Variants in CAB39L observed in about 807,000 individuals in gnomAD.
CAB39L encodes calcium binding protein 39 like, also known as calcium-binding protein 39-like.
Under a neutral mutation model 39.1 loss-of-function variants are expected in CAB39L, and 23 were observed. That is an observed-to-expected ratio of 0.59 (90% CI 0.42 to 0.83). The LOEUF (loss-of-function observed/expected upper bound fraction) is 0.83. CAB39L is among the 40% of genes least tolerant of loss of function. The pLI is 0.00. For missense variants in CAB39L, 366 were observed against 391.9 expected (o/e 0.93, Z 0.56); for synonymous variants, 126 against 137.2 (o/e 0.92, Z 0.57).
chr13:49,397,300 T>C (rs905521623), intron 3 of CAB39L, among the ~76,000 whole-genome samples: 2 of 152,122 alleles, frequency 1.3e-5, no homozygotes, highest in Non-Finnish European at 2.9e-5. Flanking sequence ...TAAGAATAAC[T>C]TGTTTTTATA....
chr13:49,330,220 C>A (rs1360512407), intron 10 of CAB39L, among the ~76,000 whole-genome samples: 1 of 152,202 alleles, frequency 6.6e-6, no homozygotes, highest in Admixed American at 6.5e-5. Flanking sequence ...CCTTGCCTTG[C>A]CCCTAAAATT....
chr13:49,360,666 T>A (rs752422867), intron 5 of CAB39L, among the ~76,000 whole-genome samples: 1 of 152,190 alleles, frequency 6.6e-6, no homozygotes, highest in African/African-American at 2.4e-5. Context: ...GTAATCCCTA[T>A]AATCCCTATG....
intron 1 of CAB39L, among the ~76,000 whole-genome samples, chr13:49,435,761 A>C (rs1337811326): frequency 6.6e-6 from 1 of 152,176 alleles, no homozygotes; most frequent in Non-Finnish European, 1.5e-5. Context: ...TTGGCCTCCC[A>C]AAGTGCTAGG....
At chr13:49,398,716 C>T (rs975951197) in intron 3 of CAB39L, among the ~76,000 whole-genome samples, 24 of 152,038 alleles carry the variant, frequency 1.6e-4, no homozygotes, top group African/African-American at 5.6e-4. Context: ...ATTTCATATA[C>T]TGGCAATTCA....
chr13:49,375,401 A>G (rs1279761409), intron 5 of CAB39L, among the ~76,000 whole-genome samples: 4 of 152,230 alleles, frequency 2.6e-5, no homozygotes, highest in Non-Finnish European at 4.4e-5. Context: ...AAAGAAACAG[A>G]AAAGTATATA....
Position 49,382,788 on chromosome 13 carries a change from T to G in CAB39L, c.111+12A>C, listed in dbSNP as rs754333951. 1 of 1,520,188 alleles carries G rather than the reference T, an allele frequency of 6.6e-7. No individual in the cohort carries two copies. Among genetic ancestry groups the G allele is most frequent in the Non-Finnish European group, 9.1e-7 (1 of 1,097,136 alleles). 94.2% of individuals were successfully genotyped at this position (1,520,188 alleles called of 1,614,324 possible). A position where few individuals can be genotyped will look rare whatever the true frequency, so the allele number is the denominator to read the frequency against. On this transcript the variant is annotated intron_variant, in intron 4 of 10. Transcript: ENST00000409308. ...TGTACTTTAATCATAATGTTACTGT[T>G]TTAGCTCTTACCTTGTCTGTCTTTT...
At chr13:49,351,228 C>A in intron 6 of CAB39L, 1 of 204,950 alleles carries the variant, frequency 4.9e-6, no homozygotes, top group Non-Finnish European at 9.6e-6. Flanking sequence ...AAACTGTTGA[C>A]AATAAAATAC....
intron 5 of CAB39L, among the ~76,000 whole-genome samples, chr13:49,363,192 C>T (rs1955679453): frequency 6.6e-6 from 1 of 152,142 alleles, no homozygotes; most frequent in Admixed American, 6.5e-5. Flanking sequence ...CATAGAAAAA[C>T]ACAGAATAGT....
intron 3 of CAB39L, among the ~76,000 whole-genome samples, chr13:49,423,395 G>C (rs1478797832): frequency 2.0e-5 from 3 of 152,134 alleles, no homozygotes. Context: ...GAAGCAAGCA[G>C]AACAGCTGTA....
intron 3 of CAB39L, among the ~76,000 whole-genome samples, chr13:49,395,237 C>CT (rs543831076): frequency 1.8e-3 from 241 of 134,952 alleles, no homozygotes; most frequent in East Asian, 3.9e-3. Flanking sequence ...TCTTTTCTTT[C>CT]TTTTTTTTTT....
chr13:49,311,329 G>A (rs1041144798), intron 10 of CAB39L, among the ~76,000 whole-genome samples: 4 of 152,100 alleles, frequency 2.6e-5, no homozygotes, highest in South Asian at 2.1e-4. Flanking sequence ...CCTACTGCCC[G>A]GCCAGCTGCA....
intron 3 of CAB39L, among the ~76,000 whole-genome samples, chr13:49,430,503 A>C (rs530535896): frequency 6.6e-6 from 1 of 152,312 alleles, no homozygotes; most frequent in East Asian, 1.9e-4. Context: ...TAGGGCAGGG[A>C]AAAAAGTTAC....
At chr13:49,349,778 AAAAGTTTGCC>A (rs1350484534) in intron 7 of CAB39L, among the ~76,000 whole-genome samples, 3 of 152,168 alleles carry the variant, frequency 2.0e-5, no homozygotes, top group Non-Finnish European at 4.4e-5. Context: ...CTTGAATGAT[AAAAGTTTGCC>A]ATTATTGAAA....
chr13:49,347,817 C>T (rs1955226691), intron 7 of CAB39L, among the ~76,000 whole-genome samples: 1 of 152,124 alleles, frequency 6.6e-6, no homozygotes, highest in South Asian at 2.1e-4. Flanking sequence ...CCGCCCCTCC[C>T]TTCACCCAGC....
chr13:49,438,321 C>T (rs1220349240), intron 1 of CAB39L, among the ~76,000 whole-genome samples: 7 of 152,136 alleles, frequency 4.6e-5, no homozygotes, highest in Admixed American at 4.6e-4. Flanking sequence ...CAATGTCAGA[C>T]CATGTAATAT....
Position 49,412,365 on chromosome 13 carries a change from TA to T in CAB39L, c.-32+20952del, listed in dbSNP as rs3035439. Among the ~76,000 whole-genome samples the T allele has an allele frequency of 5.3e-3, 801 of 150,366 alleles. 5 individuals carry two copies. The highest frequency in any genetic ancestry group is 0.016 in the East Asian group (81 of 5,104). ...ATAAATAAAATTTACCTTTGCCATT[TA>T]AAAAAAAAAAAATGGCAAAAACCAC... On this transcript the variant is annotated intron_variant, in intron 3 of 10. Coordinates refer to ENST00000409308, the MANE Select transcript of CAB39L (RefSeq NM_001079670.3).
rs914288839 is a variant in CAB39L at position 49,431,601 on chromosome 13, T to C, written c.-32+1717A>G. Among the ~76,000 whole-genome samples the C allele has an allele frequency of 2.0e-4, 31 of 151,734 alleles. 1 individual carries two copies. Among genetic ancestry groups the C allele is most frequent in the Admixed American group, 1.8e-3 (27 of 15,226 alleles). On this transcript the variant is annotated intron_variant, in intron 3 of 10. Transcript: ENST00000409308. ...ACACTCCTGTAATCCCAGCTACTTA[T>C]GAGGCTGTGGCAGGAGAATTGCTTG...
intron 3 of CAB39L, among the ~76,000 whole-genome samples, chr13:49,427,289 A>G (rs1166753135): frequency 6.6e-6 from 1 of 152,168 alleles, no homozygotes; most frequent in Non-Finnish European, 1.5e-5. Flanking sequence ...ACATGAGTCT[A>G]CAGTTTCTCC....
At chr13:49,399,431 T>C (rs1222666928) in intron 3 of CAB39L, among the ~76,000 whole-genome samples, 5 of 152,090 alleles carry the variant, frequency 3.3e-5, no homozygotes, top group African/African-American at 1.2e-4. Flanking sequence ...ATAAAAATAA[T>C]ATCTTATCCA....
Sources: gnomAD v4.1 joint callset for allele counts (sites outside exome capture counted in the v4.1 genomes callset) on GRCh38, gnomAD v4.1.1 for gene constraint, MANE v1.5 for transcripts, NCBI Gene and HGNC (gene_info 2026-07-23, HGNC 2026-07-21) for gene names.